The following EML6 variants were observed in gnomAD, a reference collection of about 807,000 sequenced individuals.
EML6 encodes echinoderm microtubule-associated protein-like 6.
In EML6, 154 loss-of-function variants were observed where a neutral mutation model predicts 240.1. The observed-to-expected ratio is 0.64, with a 90% CI of 0.56 to 0.73. The LOEUF (loss-of-function observed/expected upper bound fraction) is 0.73. EML6 is among the 30% of genes least tolerant of loss of function. The pLI is 0.00. For missense variants in EML6, 2,964 were observed against 2,474.6 expected, an observed-to-expected ratio of 1.20 and a Z score of -4.20; for synonymous variants, 1,148 against 899.0, an observed-to-expected ratio of 1.28 and a Z score of -4.95.
rs1473713391 is a variant in EML6 at position 54,827,575 on chromosome 2, CTG to C, written c.540_541del (p.Cys180TrpfsTer39). ...CGVKHIKFWT[L>X]CGNALTAKRG... ...ATCACTTACATTGTAGTTTTGGACA[CTG>C]TGTGGAAATGCCCTGACTGCAAAAA... is the stretch of plus-strand genomic sequence containing the variant. On this transcript the variant is annotated frameshift_variant, in exon 6 of 42. Coordinates refer to ENST00000356458, the MANE Select transcript of EML6 (RefSeq NM_001039753.4). LOFTEE classifies it high-confidence loss of function. 6.4e-7 allele frequency: 1 copy of C among 1,551,196 alleles called. No homozygotes were observed. The highest frequency in any genetic ancestry group is 2.0e-5 in the Admixed American group (1 of 50,986).
At chr2:54,951,702 G>A (rs376156615) in intron 30 of EML6, among the ~76,000 whole-genome samples, 21 of 147,152 alleles carry the variant, frequency 1.4e-4, no homozygotes, top group Non-Finnish European at 1.5e-4. Flanking sequence ...CATGCCTCAA[G>A]AAAAAAAAAA....
Position 54,820,462 on chromosome 2 carries a change from G to GGT in EML6, c.525+1_525+2dup. On this transcript the variant is annotated frameshift_variant and splice_region_variant. Coordinates refer to ENST00000356458, the MANE Select transcript of EML6 (RefSeq NM_001039753.4). LOFTEE classifies it high-confidence loss of function. ...TTAGCTGTGGAGTAAAACACATAAA[G>GGT]GTAAAGCTTTTTGTTTTTTAATTTT... The GGT allele has an allele frequency of 6.5e-7, 1 of 1,535,296 alleles. No individual in the cohort carries two copies. Among genetic ancestry groups the GGT allele is most frequent in the Non-Finnish European group, 8.8e-7 (1 of 1,135,736 alleles).
At chr2:54,755,903 C>T (rs1667698992) in intron 2 of EML6, among the ~76,000 whole-genome samples, 1 of 151,992 alleles carries the variant, frequency 6.6e-6, no homozygotes, top group East Asian at 1.9e-4. Context: ...ACCTCTTAAC[C>T]GCTGTTTTCT....
chr2:54,834,077 C>T (rs1294557860), intron 7 of EML6, among the ~76,000 whole-genome samples: 2 of 152,118 alleles, frequency 1.3e-5, no homozygotes, highest in African/African-American at 4.8e-5. Flanking sequence ...GGTTGTCCTC[C>T]AATATACATC....
At chr2:54,951,208 T>A (rs1675959369) in intron 30 of EML6, among the ~76,000 whole-genome samples, 1 of 152,154 alleles carries the variant, frequency 6.6e-6, no homozygotes, top group Admixed American at 6.5e-5. Context: ...TAGCCACATT[T>A]ATAATGAGAA....
At chr2:54,799,616 T>G (rs915836643) in intron 2 of EML6, among the ~76,000 whole-genome samples, 2 of 152,212 alleles carry the variant, frequency 1.3e-5, no homozygotes, top group Non-Finnish European at 2.9e-5. Flanking sequence ...GTGCTGGGAT[T>G]AAGGGCGTGA....
intron 28 of EML6, among the ~76,000 whole-genome samples, chr2:54,944,296 A>T (rs1413359646): frequency 6.6e-6 from 1 of 152,134 alleles, no homozygotes; most frequent in Admixed American, 6.5e-5. Flanking sequence ...TCTCTGTCTC[A>T]TTCCATGATA....
chr2:54,796,676 C>T (rs78173929), intron 2 of EML6, among the ~76,000 whole-genome samples: 5,309 of 152,102 alleles, frequency 0.035, 280 homozygotes, highest in African/African-American at 0.11. Context: ...CTTACAGAAA[C>T]AGGGATTTAA....
chr2:54,925,201 C>T (rs1200061329), intron 26 of EML6, among the ~76,000 whole-genome samples: 1 of 152,046 alleles, frequency 6.6e-6, no homozygotes, highest in Non-Finnish European at 1.5e-5. Context: ...CACACACCGC[C>T]CGCTCTTCCT....
chr2:54,854,073 A>G (rs1395126615), intron 11 of EML6, among the ~76,000 whole-genome samples: 1 of 152,252 alleles, frequency 6.6e-6, no homozygotes, highest in Non-Finnish European at 1.5e-5. Flanking sequence ...AGAATTTGCT[A>G]ATAGAGTTAT....
chr2:54,790,535 G>A (rs561265907), intron 2 of EML6, among the ~76,000 whole-genome samples: 24 of 152,056 alleles, frequency 1.6e-4, no homozygotes, highest in Admixed American at 1.3e-3. Context: ...ACGGCTGGAG[G>A]GTCCATTCTT....
chr2:54,785,804 C>T (rs888332117), intron 2 of EML6, among the ~76,000 whole-genome samples: 1 of 151,802 alleles, frequency 6.6e-6, no homozygotes, highest in Admixed American at 6.6e-5. Context: ...CTACACGGTT[C>T]ATTTTTGAGT....
At chr2:54,782,666 A>AT (rs11389809) in intron 2 of EML6, among the ~76,000 whole-genome samples, 67,742 of 143,906 alleles carry the variant, frequency 0.47, 16,113 homozygotes, top group East Asian at 0.66. Context: ...ACCTACTTGT[A>AT]TTTTTTTTTT....
chr2:54,912,619 T>G (rs1673701532), intron 25 of EML6, among the ~76,000 whole-genome samples: 1 of 152,220 alleles, frequency 6.6e-6, no homozygotes, highest in Non-Finnish European at 1.5e-5. Context: ...CCTGTCTGTG[T>G]GTACCCAATG....
chr2:54,944,002 G>A (rs1213957249), intron 28 of EML6, among the ~76,000 whole-genome samples: 1 of 152,042 alleles, frequency 6.6e-6, no homozygotes, highest in Admixed American at 6.6e-5. Context: ...CCCTTCTGGT[G>A]CCTCCCTCTC....
intron 26 of EML6, among the ~76,000 whole-genome samples, chr2:54,918,412 G>C (rs553080123): frequency 1.3e-5 from 2 of 152,124 alleles, no homozygotes; most frequent in African/African-American, 4.8e-5. Context: ...ACAGTGGCAC[G>C]ATCACCGCTC....
intron 7 of EML6, among the ~76,000 whole-genome samples, chr2:54,837,505 T>A (rs1314445618): frequency 6.6e-6 from 1 of 152,228 alleles, no homozygotes; most frequent in Admixed American, 6.5e-5. Flanking sequence ...GAATCCTTAC[T>A]GCCCACCTGC....
At chr2:54,887,588 TCA>T (rs1199930789) in intron 17 of EML6, among the ~76,000 whole-genome samples, 1 of 152,218 alleles carries the variant, frequency 6.6e-6, no homozygotes, top group East Asian at 1.9e-4. Flanking sequence ...CTGCCCATTC[TCA>T]CATTAAAAAG....
intron 36 of EML6, among the ~76,000 whole-genome samples, chr2:54,963,172 G>A (rs1457069019): frequency 6.6e-6 from 1 of 152,164 alleles, no homozygotes; most frequent in Non-Finnish European, 1.5e-5. Context: ...GATCCTCATG[G>A]CCTTATCCAG....
Sources: allele counts gnomAD v4.1 joint callset (sites outside exome capture counted in the v4.1 genomes callset), GRCh38; gene constraint gnomAD v4.1.1; transcripts MANE v1.5; gene names NCBI Gene and HGNC (gene_info 2026-07-23, HGNC 2026-07-21).